Variants in PARM1 observed in about 807,000 individuals in gnomAD.
PARM1 encodes the protein prostate androgen-regulated mucin-like protein 1, also known as WSC4, cell wall integrity and stress response component 4 homolog.
A neutral mutation model predicts 24.6 loss-of-function variants in PARM1; 14 were observed. The observed-to-expected ratio is 0.57, with a 90% CI of 0.38 to 0.89. The LOEUF (loss-of-function observed/expected upper bound fraction) is 0.89. Among genes scored for constraint, PARM1 ranks in the 40% least tolerant of loss-of-function variants. The probability of loss-of-function intolerance (pLI) is 0.00; values close to 1 mark genes in which losing one functional copy is unlikely to be tolerated. For missense variants in PARM1, 362 were observed against 380.4 expected (o/e 0.95, Z 0.40); for synonymous variants, 179 against 156.6 (o/e 1.14, Z -1.07).
chr4:75,012,407 G>C lies in PARM1; in HGVS notation c.44-18G>C. ...GTGTTTTCACATATTAACCACTTTT[G>C]TACTGGCTTTTCCACAGGATGGAGG... is the stretch of plus-strand genomic sequence containing the variant. On this transcript the variant is annotated intron_variant, in intron 1 of 3. Transcript: ENST00000307428. 1 of 1,608,340 alleles carries C rather than the reference G, an allele frequency of 6.2e-7. No homozygotes were observed.
In PARM1 at chr4:74,977,835, T is replaced by A. The variant is rs1385405993; in HGVS notation, c.44-34590T>A. On this transcript the variant is annotated intron_variant, in intron 1 of 3. Transcript: ENST00000307428. ...ATCAACATTCTTAAAGGAAAGAATT[T>A]CCAACCCAGAATTTCATATCAGGCC... Among the ~76,000 whole-genome samples the A allele has an allele frequency of 2.0e-5, 3 of 152,190 alleles. No homozygotes were observed. In the East Asian group the frequency reaches 5.8e-4, roughly 29 times the overall value.
chr4:74,994,704 A>T (rs1052267950), intron 1 of PARM1, among the ~76,000 whole-genome samples: 1 of 151,950 alleles, frequency 6.6e-6, no homozygotes, highest in Non-Finnish European at 1.5e-5. Context: ...GAGGCAGGAG[A>T]ATTGCTTGAA....
rs1722911033 is a variant in PARM1, at chr4:75,013,025, T to C, written c.644T>C (p.Val215Ala). Residue 215 changes from valine (V) to alanine (A), a missense_variant, in exon 2 of 4, where the codon GTA (valine) becomes GCA (alanine). Transcript: ENST00000307428. The stretch of plus-strand genomic sequence containing the variant: ...ACTTCACATGCCACAGCTGAGCCAG[T>C]ACCCCAGGAGAAAACACCCCCAACA... ...TPTSHATAEP[V>A]PQEKTPPTTV... 3 of 1,613,948 alleles carry C rather than the reference T, an allele frequency of 1.9e-6. No homozygotes were observed. In the East Asian group the frequency reaches 6.7e-5, roughly 36 times the overall value.
chr4:75,038,873 T>C (rs1298851235), intron 3 of PARM1, among the ~76,000 whole-genome samples: 2 of 152,218 alleles, frequency 1.3e-5, no homozygotes, highest in Non-Finnish European at 2.9e-5. Context: ...AGACCAGTGA[T>C]GTGGATGTTG....
At chr4:74,934,376 C>T (rs1721132189) in intron 1 of PARM1, among the ~76,000 whole-genome samples, 1 of 152,158 alleles carries the variant, frequency 6.6e-6, no homozygotes, top group African/African-American at 2.4e-5. Flanking sequence ...TCTACTCGTG[C>T]TTTAGTCTGT....
chr4:75,024,671 G>C (rs555859948), intron 2 of PARM1, among the ~76,000 whole-genome samples: 1 of 152,176 alleles, frequency 6.6e-6, no homozygotes, highest in East Asian at 1.9e-4. Flanking sequence ...AACTTTTCTC[G>C]TTTATTTTTC....
intron 1 of PARM1, chr4:74,967,311 A>G (rs773392083): frequency 8.5e-5 from 13 of 152,236 alleles, no homozygotes; most frequent in Non-Finnish European, 1.3e-4. Context: ...CTGGAGCAGT[A>G]TCTCTCCATG....
Position 74,933,257 on chromosome 4 carries a change from C to A in PARM1, c.-71C>A, listed in dbSNP as rs563327046. ...CCCGGCAGAGGAGTCGCTACCAGCGCCCAGTGCGCTCTGTCAGTCCGCAAA... is the reference window on the plus strand; with the variant it reads ...CCCGGCAGAGGAGTCGCTACCAGCGACCAGTGCGCTCTGTCAGTCCGCAAA... On this transcript the variant is annotated 5_prime_UTR_variant, in exon 1 of 4. Transcript: ENST00000307428. 7.9e-6 allele frequency: 11 copies of A among 1,386,288 alleles called. No homozygotes were observed. The highest frequency in any genetic ancestry group is 1.4e-5 in the African/African-American group (1 of 70,078). The allele number at this position is 1,386,288 out of a possible 1,614,324, so 85.9% of individuals were successfully genotyped here.
intron 1 of PARM1, among the ~76,000 whole-genome samples, chr4:74,981,053 CA>C (rs1560782507): frequency 6.6e-6 from 1 of 152,098 alleles, no homozygotes; most frequent in African/African-American, 2.4e-5. Flanking sequence ...TAGGCACAGG[CA>C]AAGATTTCCT....
intron 1 of PARM1, among the ~76,000 whole-genome samples, chr4:74,971,375 C>T (rs1338555694): frequency 6.6e-6 from 1 of 152,194 alleles, no homozygotes; most frequent in Non-Finnish European, 1.5e-5. Flanking sequence ...TGGTCCCTCT[C>T]ACGACACATG....
intron 1 of PARM1, among the ~76,000 whole-genome samples, chr4:74,960,163 T>C (rs1339504133): frequency 6.6e-6 from 1 of 152,170 alleles, no homozygotes; most frequent in Non-Finnish European, 1.5e-5. Context: ...GATTGCTGTG[T>C]CTAATCTTTG....
At chr4:74,939,363 C>T (rs1042509134) in intron 1 of PARM1, among the ~76,000 whole-genome samples, 1 of 152,106 alleles carries the variant, frequency 6.6e-6, no homozygotes, top group African/African-American at 2.4e-5. Context: ...ATTATATATC[C>T]ATTAACTGTG....
rs188609870 is a variant in PARM1, at chr4:74,998,612, A to G, written c.44-13813A>G. On this transcript the variant is annotated intron_variant, in intron 1 of 3. Coordinates refer to ENST00000307428, the MANE Select transcript of PARM1 (RefSeq NM_015393.4). The stretch of plus-strand genomic sequence containing the variant: ...ATGAGGAACACTTTTTGCAGAGGGT[A>G]TTCATTCCTACAAAATTAATAGGTT... 2.6e-3 allele frequency among the ~76,000 whole-genome samples: 395 copies of G among 152,326 alleles called. 5 individuals carry two copies. Among genetic ancestry groups the G allele is most frequent in the African/African-American group, 8.8e-3 (364 of 41,582 alleles).
intron 1 of PARM1, chr4:74,956,043 T>C (rs1349653768): frequency 1.3e-5 from 2 of 152,232 alleles, no homozygotes; most frequent in African/African-American, 4.8e-5. Context: ...AGTTCTTCAG[T>C]TTCTGCTCTC....
chr4:74,968,620 G>A (rs942260548), intron 1 of PARM1, among the ~76,000 whole-genome samples: 1 of 152,210 alleles, frequency 6.6e-6, no homozygotes, highest in Non-Finnish European at 1.5e-5. Context: ...CTTGTTGACT[G>A]CAGAGATAAG....
At chr4:74,940,935 A>G (rs746016668) in intron 1 of PARM1, among the ~76,000 whole-genome samples, 3 of 152,230 alleles carry the variant, frequency 2.0e-5, no homozygotes, top group Admixed American at 6.5e-5. Context: ...GGATTTCAGT[A>G]TATCTCAGAA....
chr4:75,026,846 C>A (rs778583107), intron 2 of PARM1, among the ~76,000 whole-genome samples: 1 of 152,180 alleles, frequency 6.6e-6, no homozygotes, highest in Non-Finnish European at 1.5e-5. Context: ...ATTTACAAAG[C>A]ATTTGATCTT....
At chr4:74,956,086 A>G (rs915195100) in intron 1 of PARM1, 10 of 152,328 alleles carry the variant, frequency 6.6e-5, no homozygotes, top group Non-Finnish European at 1.2e-4. Flanking sequence ...ATATAACACA[A>G]TGTGCTTTCT....
intron 1 of PARM1, among the ~76,000 whole-genome samples, chr4:74,968,444 T>C (rs1721954057): frequency 6.6e-6 from 1 of 152,256 alleles, no homozygotes. Context: ...CTAATAAGAC[T>C]TCAGCACTTC....
Sources: gnomAD v4.1 joint callset for allele counts (sites outside exome capture counted in the v4.1 genomes callset) on GRCh38, gnomAD v4.1.1 for gene constraint, MANE v1.5 for transcripts, NCBI Gene and HGNC (gene_info 2026-07-23, HGNC 2026-07-21) for gene names.